Variants in STARD13 observed in about 807,000 individuals in gnomAD.
STARD13 encodes the protein stAR-related lipid transfer protein 13.
In STARD13, 62 loss-of-function variants were observed where a neutral mutation model predicts 106.4. That is an observed-to-expected ratio of 0.58 (90% CI 0.48 to 0.72). The LOEUF (loss-of-function observed/expected upper bound fraction) is 0.72, where lower values mean the gene tolerates loss of function less well. STARD13 is among the 30% of genes least tolerant of loss of function. STARD13 has a pLI of 0.00. For missense variants in STARD13, 1,387 were observed against 1,424.0 expected (o/e 0.97, Z 0.42); for synonymous variants, 565 against 553.0 (o/e 1.02, Z -0.31).
At chr13:33,640,715 C>G in the STARD13 span, among the ~76,000 whole-genome samples, 1 of 152,150 alleles carries the variant, frequency 6.6e-6, no homozygotes, top group Non-Finnish European at 1.5e-5. Context: ...CTTAAGGCAC[C>G]AAGAGGAAGT....
chr13:33,310,117 A>G (rs1893074965), intron 1 of STARD13, among the ~76,000 whole-genome samples: 1 of 152,256 alleles, frequency 6.6e-6, no homozygotes, highest in East Asian at 1.9e-4. Flanking sequence ...GTTCTTTTCA[A>G]CTGCAAGTTA....
At chr13:33,553,299 A>T in the STARD13 span, among the ~76,000 whole-genome samples, 4 of 152,096 alleles carry the variant, frequency 2.6e-5, no homozygotes, top group Non-Finnish European at 4.4e-5. Context: ...TCATAATTGT[A>T]GTTGTTTAAC....
intron 1 of STARD13, among the ~76,000 whole-genome samples, chr13:33,258,888 A>G (rs1890499782): frequency 6.6e-6 from 1 of 152,196 alleles, no homozygotes; most frequent in Non-Finnish European, 1.5e-5. Flanking sequence ...TCTTTCTCCT[A>G]TAAGTGTCTT....
At chr13:33,194,546 A>T (rs554129310) in intron 1 of STARD13, among the ~76,000 whole-genome samples, 98 of 152,366 alleles carry the variant, frequency 6.4e-4, no homozygotes, top group African/African-American at 2.3e-3. Flanking sequence ...CTTAAACATC[A>T]TATTTTAAGG....
the STARD13 span, among the ~76,000 whole-genome samples, chr13:33,381,280 A>AT: frequency 4.6e-5 from 7 of 152,042 alleles, no homozygotes; most frequent in Non-Finnish European, 1.0e-4. Context: ...TAACCATTGA[A>AT]TTTTTTTGCT....
At chr13:33,663,365 G>A in the STARD13 span, among the ~76,000 whole-genome samples, 1 of 152,116 alleles carries the variant, frequency 6.6e-6, no homozygotes, top group Non-Finnish European at 1.5e-5. Context: ...AATGATATCA[G>A]CATTTTGAAA....
At chr13:33,123,636 G>A (rs1273892698) in intron 7 of STARD13, among the ~76,000 whole-genome samples, 1 of 152,176 alleles carries the variant, frequency 6.6e-6, no homozygotes, top group Non-Finnish European at 1.5e-5. Flanking sequence ...GTTCATAATT[G>A]AAGGCTAAAC....
chr13:33,631,017 C>G, the STARD13 span, among the ~76,000 whole-genome samples: 1 of 152,164 alleles, frequency 6.6e-6, no homozygotes, highest in Admixed American at 6.5e-5. Flanking sequence ...AACCAAAAAA[C>G]TCAGTCTTTG....
At chr13:33,231,879 GCTCCC>G (rs1888943813) in intron 1 of STARD13, among the ~76,000 whole-genome samples, 1 of 152,262 alleles carries the variant, frequency 6.6e-6, no homozygotes, top group South Asian at 2.1e-4. Context: ...TTGGTTCCAG[GCTCCC>G]CTCACCCATT....
At chr13:33,204,928 A>G (rs962585589) in intron 1 of STARD13, among the ~76,000 whole-genome samples, 1 of 152,238 alleles carries the variant, frequency 6.6e-6, no homozygotes, top group African/African-American at 2.4e-5. Flanking sequence ...CAGATGCAAA[A>G]TAAGTCCCTT....
chr13:33,640,914 T>C, the STARD13 span, among the ~76,000 whole-genome samples: 1 of 152,184 alleles, frequency 6.6e-6, no homozygotes, highest in Non-Finnish European at 1.5e-5. Flanking sequence ...ATGAGGCACA[T>C]GAATAGGAGA....
chr13:33,158,109 G>T (rs576105351), intron 3 of STARD13, among the ~76,000 whole-genome samples: 1 of 152,096 alleles, frequency 6.6e-6, no homozygotes, highest in Non-Finnish European at 1.5e-5. Flanking sequence ...AGAGAGACAT[G>T]GTTGTCATTC....
At chr13:33,434,812 T>G in the STARD13 span, among the ~76,000 whole-genome samples, 5 of 151,682 alleles carry the variant, frequency 3.3e-5, no homozygotes, top group East Asian at 7.8e-4. Context: ...CAGCAGTCTA[T>G]TGGGAGCAAG....
the STARD13 span, among the ~76,000 whole-genome samples, chr13:33,445,842 A>G: frequency 1.3e-5 from 2 of 152,086 alleles, no homozygotes; most frequent in East Asian, 3.9e-4. Context: ...CTCACCCCTC[A>G]ACCCAAGTGA....
chr13:33,526,320 C>T, the STARD13 span, among the ~76,000 whole-genome samples: 30,438 of 151,606 alleles, frequency 0.2, 4,584 homozygotes, highest in African/African-American at 0.43. Context: ...GTTAATTTTT[C>T]TTTCAAGAAG....
intron 1 of STARD13, among the ~76,000 whole-genome samples, chr13:33,279,282 A>T (rs1891631633): frequency 1.3e-5 from 2 of 152,186 alleles, no homozygotes; most frequent in South Asian, 4.1e-4. Context: ...GACCACTAGC[A>T]GTGACTGTTT....
the STARD13 span, among the ~76,000 whole-genome samples, chr13:33,528,257 C>T: frequency 0.011 from 1,029 of 92,402 alleles, 37 homozygotes; most frequent in African/African-American, 0.057. Context: ...TATATATATA[C>T]ATATATATAT....
At position 33,261,331 on chromosome 13, in the gene STARD13, C is replaced by T. The variant is rs1265311637; in HGVS notation, c.169+24139G>A. The stretch of plus-strand genomic sequence containing the variant: ...GTCCCCACAAAAAACAATTACCTGG[C>T]CCCCAAATGTCGATAGTGGGGAGAT... On this transcript the variant is annotated intron_variant, in intron 1 of 13. Coordinates refer to ENST00000336934, the MANE Select transcript of STARD13 (RefSeq NM_178006.4). Among the ~76,000 whole-genome samples, 10 of 152,222 alleles carry T rather than the reference C, an allele frequency of 6.6e-5. 1 individual carries two copies. Among genetic ancestry groups the T allele is most frequent in the South Asian group, 4.1e-4 (2 of 4,822 alleles).
At chr13:33,335,548 G>A (rs942557554) in intron 1 of STARD13, among the ~76,000 whole-genome samples, 1 of 152,224 alleles carries the variant, frequency 6.6e-6, no homozygotes, top group East Asian at 1.9e-4. Flanking sequence ...TACAAGTAGT[G>A]GGTATGTGCC....
Sources: gnomAD v4.1 joint callset for allele counts (sites outside exome capture counted in the v4.1 genomes callset) on GRCh38, gnomAD v4.1.1 for gene constraint, MANE v1.5 for transcripts, NCBI Gene and HGNC (gene_info 2026-07-23, HGNC 2026-07-21) for gene names.